Variants in AGAP1 observed in about 807,000 individuals in gnomAD.
AGAP1 encodes the protein arf-GAP with GTPase, ANK repeat and PH domain-containing protein 1.
Under a neutral mutation model 105.3 loss-of-function variants are expected in AGAP1, and 29 were observed. That is an observed-to-expected ratio of 0.28 (90% confidence interval 0.21 to 0.38). AGAP1 has a LOEUF of 0.38. AGAP1 is among the 10% of genes least tolerant of loss of function. AGAP1 has a pLI of 1.00. For missense variants in AGAP1, 998 were observed against 1,165.1 expected, an observed-to-expected ratio of 0.86 and a Z score of 2.09; for synonymous variants, 509 against 485.9, an observed-to-expected ratio of 1.05 and a Z score of -0.63.
Position 235,617,441 on chromosome 2 carries a change from C to T in AGAP1, c.164-91738C>T, listed in dbSNP as rs113294340. ...TTTTGGCCAGGTGCGGTGGCTCACA[C>T]CTGTAATCCGAGCACTTTGGGAGGC... On this transcript the variant is annotated intron_variant, in intron 1 of 17. Coordinates refer to ENST00000304032, the MANE Select transcript of AGAP1 (RefSeq NM_001037131.3). Among the ~76,000 whole-genome samples, 1,447 of 152,274 alleles carry T rather than the reference C, an allele frequency of 9.5e-3. 22 individuals carry two copies. The highest frequency in any genetic ancestry group is 0.033 in the African/African-American group (1,360 of 41,550).
At chr2:235,911,384 C>T (rs1377191284) in intron 11 of AGAP1, among the ~76,000 whole-genome samples, 1 of 152,122 alleles carries the variant, frequency 6.6e-6, no homozygotes, top group Admixed American at 6.5e-5. Context: ...GTAGGCCAGG[C>T]TTCAAGGGAT....
chr2:236,105,216 G>T lies in AGAP1; in HGVS notation c.2115-14976G>T, dbSNP rs2059453984. Among the ~76,000 whole-genome samples the T allele has an allele frequency of 2.0e-5, 3 of 152,154 alleles. No homozygotes were observed. The highest frequency in any genetic ancestry group is 4.8e-5 in the African/African-American group (2 of 41,434). Reference sequence around the variant, plus strand: ...TAGATTCGAGCAAAGTGGTGAATTGGTCTGAATGGAAAAATCCAAAACATC... The same window carrying T: ...TAGATTCGAGCAAAGTGGTGAATTGTTCTGAATGGAAAAATCCAAAACATC... On this transcript the variant is annotated intron_variant, in intron 16 of 17. Coordinates refer to ENST00000304032, the MANE Select transcript of AGAP1 (RefSeq NM_001037131.3). The surrounding 1 kb of genome is among the most constrained non-coding windows in gnomAD (Gnocchi z 4.2).
At position 235,501,614 on chromosome 2, in the gene AGAP1, G is replaced by A. The variant is rs565593028; in HGVS notation, c.163+6765G>A. ...ACCTCTTGTTTTTTGCCTAAACCAG[G>A]CGTTTTATTTTGTTAAGACGAAAAT... is the stretch of plus-strand genomic sequence containing the variant. On this transcript the variant is annotated intron_variant, in intron 1 of 17. Transcript: ENST00000304032. Among the ~76,000 whole-genome samples the A allele has an allele frequency of 9.5e-4, 144 of 152,214 alleles. 2 individuals carry two copies. The highest frequency in any genetic ancestry group is 2.9e-3 in the South Asian group (14 of 4,816).
chr2:235,532,756 C>T (rs972821439), intron 1 of AGAP1, among the ~76,000 whole-genome samples: 1 of 152,154 alleles, frequency 6.6e-6, no homozygotes, highest in African/African-American at 2.4e-5. Context: ...ACCAAGAGCT[C>T]CTACCTGCCT....
rs1264472953 is a variant in AGAP1 at position 235,551,416 on chromosome 2, C to T, written c.163+56567C>T. ...ACCTCCCCAGGCTCAGGTCGTCCTC[C>T]CAGCTCAGCCTCCCAAGTAGCTGGG... On this transcript the variant is annotated intron_variant, in intron 1 of 17. Coordinates refer to ENST00000304032, the MANE Select transcript of AGAP1 (RefSeq NM_001037131.3). This position sits in a 1 kb window ranked among gnomAD's most constrained non-coding sequence, Gnocchi z 4.8. 2.6e-5 allele frequency among the ~76,000 whole-genome samples: 4 copies of T among 152,106 alleles called. No individual in the cohort carries two copies. Among genetic ancestry groups the T allele is most frequent in the African/African-American group, 9.7e-5 (4 of 41,418 alleles).
intron 1 of AGAP1, among the ~76,000 whole-genome samples, chr2:235,688,832 C>T (rs558082724): frequency 1.3e-4 from 20 of 152,304 alleles, no homozygotes. Context: ...CCTCATCCCG[C>T]CCCTCATTCA....
At position 235,572,125 on chromosome 2, in the gene AGAP1, A is replaced by T. The variant is rs565855613; in HGVS notation, c.163+77276A>T. Reference sequence around the variant, plus strand: ...GGGCTTAGCCTCTAATTTGGGTCTGAACTTTATTGAGCTTTGCTTGGCAAA... The same window carrying T: ...GGGCTTAGCCTCTAATTTGGGTCTGTACTTTATTGAGCTTTGCTTGGCAAA... On this transcript the variant is annotated intron_variant, in intron 1 of 17. Transcript: ENST00000304032. Among the ~76,000 whole-genome samples, 709 of 150,954 alleles carry T rather than the reference A, an allele frequency of 4.7e-3. 16 individuals are homozygous for T. The East Asian group carries it at 0.077, about 16-fold the overall frequency.
rs1459481783 is a variant in AGAP1, at chr2:236,128,929, A to G, written c.*4807A>G. 6.6e-6 allele frequency: 1 copy of G among 152,226 alleles called. No individual in the cohort carries two copies. Among genetic ancestry groups the G allele is most frequent in the Non-Finnish European group, 1.5e-5 (1 of 68,028 alleles). 9.4% of individuals were successfully genotyped at this position (152,226 alleles called of 1,614,324 possible). On this transcript the variant is annotated 3_prime_UTR_variant, in exon 18 of 18. Coordinates refer to ENST00000304032, the MANE Select transcript of AGAP1 (RefSeq NM_001037131.3). This position sits in a 1 kb window ranked among gnomAD's most constrained non-coding sequence, Gnocchi z 5.9. ...TTGTATTTATGGCCTTCAAGCAAACAAATTGAAAAGCAGTCAAGGAGGAGT... is the reference window on the plus strand; with the variant it reads ...TTGTATTTATGGCCTTCAAGCAAACGAATTGAAAAGCAGTCAAGGAGGAGT...
At chr2:235,910,162 A>G (rs2051510975) in intron 11 of AGAP1, among the ~76,000 whole-genome samples, 1 of 152,296 alleles carries the variant, frequency 6.6e-6, no homozygotes, top group African/African-American at 2.4e-5. Context: ...AGGTGAGAGC[A>G]AGATGGTACA....
Position 235,645,743 on chromosome 2 carries a change from C to T in AGAP1, c.164-63436C>T, listed in dbSNP as rs567795703. On this transcript the variant is annotated intron_variant, in intron 1 of 17. Coordinates refer to ENST00000304032, the MANE Select transcript of AGAP1 (RefSeq NM_001037131.3). ...TGAGTGTCCAGGGGAAGGAGAAAAC[C>T]GGCACAGAAACAACTAGCCAGTCTC... Among the ~76,000 whole-genome samples, 11 of 152,242 alleles carry T rather than the reference C, an allele frequency of 7.2e-5. No homozygotes were observed. The South Asian group carries it at 1.5e-3, about 20-fold the overall frequency.
chr2:236,008,797 G>T (rs2056410704), intron 13 of AGAP1, among the ~76,000 whole-genome samples: 1 of 152,184 alleles, frequency 6.6e-6, no homozygotes, highest in Admixed American at 6.5e-5. Context: ...AATCATATTT[G>T]CTGTAAAGAA....
chr2:235,924,540 T>C (rs1193869920), intron 11 of AGAP1, among the ~76,000 whole-genome samples: 1 of 152,214 alleles, frequency 6.6e-6, no homozygotes, highest in African/African-American at 2.4e-5. Flanking sequence ...GGGTCCCATC[T>C]TCCCCTACTC....
chr2:235,999,617 A>G (rs1373069021), intron 13 of AGAP1, among the ~76,000 whole-genome samples: 3 of 145,634 alleles, frequency 2.1e-5, no homozygotes, highest in East Asian at 4.3e-4. Flanking sequence ...GGTGGTGGTG[A>G]TGATGGTGGT....
Position 236,035,107 on chromosome 2 carries a change from C to CT in AGAP1, c.1646-1453dup, listed in dbSNP as rs968889194. Reference sequence around the variant, plus strand: ...GAGGTCAGTAAGCCGTGCTTGGAAGCTGGGCTAGAGGGACCAAGAGTCTGG... The same window carrying CT: ...GAGGTCAGTAAGCCGTGCTTGGAAGCTTGGGCTAGAGGGACCAAGAGTCTGG... On this transcript the variant is annotated intron_variant, in intron 13 of 17. Coordinates refer to ENST00000304032, the MANE Select transcript of AGAP1 (RefSeq NM_001037131.3). This position sits in a 1 kb window ranked among gnomAD's most constrained non-coding sequence, Gnocchi z 4.2. Among the ~76,000 whole-genome samples the CT allele has an allele frequency of 6.6e-6, 1 of 152,188 alleles. No homozygotes were observed. The highest frequency in any genetic ancestry group is 1.5e-5 in the Non-Finnish European group (1 of 68,032).
intron 6 of AGAP1, among the ~76,000 whole-genome samples, chr2:235,784,034 C>T (rs1330148987): frequency 6.6e-6 from 1 of 152,084 alleles, no homozygotes; most frequent in East Asian, 1.9e-4. Flanking sequence ...AAGTATGTAG[C>T]AACATGTTAC....
Position 235,623,421 on chromosome 2 carries a change from G to A in AGAP1, c.164-85758G>A, listed in dbSNP as rs537824153. 6.6e-6 allele frequency among the ~76,000 whole-genome samples: 1 copy of A among 152,296 alleles called. No individual in the cohort carries two copies. The highest frequency in any genetic ancestry group is 2.4e-5 in the African/African-American group (1 of 41,554). On this transcript the variant is annotated intron_variant, in intron 1 of 17. Coordinates refer to ENST00000304032, the MANE Select transcript of AGAP1 (RefSeq NM_001037131.3). The surrounding 1 kb of genome is among the most constrained non-coding windows in gnomAD (Gnocchi z 4.5). ...GATGGTGGGTTATTAGACTTCACTT[G>A]GTCTGCACGTGGTGGCTTTGGGATT...
chr2:235,937,734 C>T (rs564908019), intron 12 of AGAP1, among the ~76,000 whole-genome samples: 2 of 152,250 alleles, frequency 1.3e-5, no homozygotes, highest in South Asian at 2.1e-4. Flanking sequence ...TCGTGATGTC[C>T]GGAGGCATTT....
intron 1 of AGAP1, among the ~76,000 whole-genome samples, chr2:235,573,702 G>A (rs1488364316): frequency 1.3e-5 from 2 of 151,542 alleles, no homozygotes; most frequent in East Asian, 3.9e-4. Flanking sequence ...AACGGCATGA[G>A]TGCGCCCCAT....
At chr2:235,969,311 CACACACAT>C (rs2054540064) in intron 13 of AGAP1, among the ~76,000 whole-genome samples, 1 of 150,504 alleles carries the variant, frequency 6.6e-6, no homozygotes, top group Non-Finnish European at 1.5e-5. Context: ...CATGCGTACA[CACACACAT>C]ACACACACAC....
Sources: allele counts gnomAD v4.1 joint callset (sites outside exome capture counted in the v4.1 genomes callset), GRCh38; gene constraint gnomAD v4.1.1; non-coding constraint Gnocchi (gnomAD v3.1); transcripts MANE v1.5; gene names NCBI Gene and HGNC (gene_info 2026-07-23, HGNC 2026-07-21).